DNAH7: variants seen among roughly 807,000 people sequenced by gnomAD.
DNAH7 encodes the protein dynein axonemal heavy chain 7, also known as axonemal beta dynein heavy chain 7.
Under a neutral mutation model 444.6 loss-of-function variants are expected in DNAH7, and 397 were observed. The ratio of observed to expected loss-of-function variants is 0.89; its 90% CI spans 0.82 to 0.97. DNAH7 has a LOEUF of 0.97. Ranked by LOEUF, DNAH7 falls within the 50% of genes least tolerant of loss-of-function variation. DNAH7 has a pLI of 0.00. For missense variants in DNAH7, 4,902 were observed against 4,800.8 expected (o/e 1.02, Z -0.62); for synonymous variants, 1,636 against 1,624.4 (o/e 1.01, Z -0.17).
chr2:195,769,262 T>TA (rs1694729149), intron 61 of DNAH7, among the ~76,000 whole-genome samples: 1 of 151,816 alleles, frequency 6.6e-6, no homozygotes, highest in Admixed American at 6.6e-5. Context: ...GATGGGGTCT[T>TA]ACTGTTGTCA....
In DNAH7 at chr2:195,824,457, T is replaced by C. The variant is rs1448217174; in HGVS notation, c.9101-12A>G. ...ATTTTCTAGCAACACTGGAGTAAAA[T>C]CAGAAAAGATTTCATGTTATTTTAA... On this transcript the variant is annotated splice_polypyrimidine_tract_variant and intron_variant, in intron 48 of 64. Coordinates refer to ENST00000312428, the MANE Select transcript of DNAH7 (RefSeq NM_018897.3). The C allele has an allele frequency of 6.3e-7, 1 of 1,584,324 alleles. No homozygotes were observed. Among genetic ancestry groups the C allele is most frequent in the Non-Finnish European group, 8.6e-7 (1 of 1,167,716 alleles).
In DNAH7 at chr2:195,864,215, A is replaced by G. The variant is rs1262213034; in HGVS notation, c.7440T>C (p.Asp2480=). 3.1e-6 allele frequency: 5 copies of G among 1,614,198 alleles called. No individual in the cohort carries two copies. The highest frequency in any genetic ancestry group is 4.2e-6 in the Non-Finnish European group (5 of 1,180,014). ...ACTTTCTAAGACGATTCCGAAATGC[A>G]TCTCCAATGGGACTCATGGCAAGGA... ...HVVLAMSPIG[D]AFRNRLRKFP... Residue 2480 remains aspartate, a synonymous_variant, in exon 41 of 65, where the codon GAT becomes GAC. Transcript: ENST00000312428.
At chr2:195,992,564 T>C (rs968539508) in intron 12 of DNAH7, among the ~76,000 whole-genome samples, 2 of 152,212 alleles carry the variant, frequency 1.3e-5, no homozygotes, top group Admixed American at 1.3e-4. Context: ...ATTAAACATG[T>C]ATGAGTTGAG....
At position 195,738,141 on chromosome 2, in the gene DNAH7, C is replaced by T; in HGVS notation, c.11869-14G>A. On this transcript the variant is annotated splice_polypyrimidine_tract_variant and intron_variant, in intron 64 of 64. Transcript: ENST00000312428. ...CTTTAGCCACATCTGGAAGAAAGTA[C>T]ATAACACCTCTTTAAGTCAAGGCTG... 1 of 1,607,204 alleles carries T rather than the reference C, an allele frequency of 6.2e-7. No individual in the cohort carries two copies. Among genetic ancestry groups the T allele is most frequent in the Non-Finnish European group, 8.5e-7 (1 of 1,174,144 alleles).
intron 24 of DNAH7, among the ~76,000 whole-genome samples, chr2:195,916,219 C>T (rs527665256): frequency 1.3e-5 from 2 of 152,236 alleles, no homozygotes; most frequent in South Asian, 2.1e-4. Context: ...CTAGGTGATG[C>T]TGGGTTTGAT....
intron 12 of DNAH7, chr2:195,995,664 G>A (rs1222019372): frequency 3.7e-5 from 8 of 217,128 alleles, no homozygotes; most frequent in Non-Finnish European, 7.4e-5. Context: ...CACCAGTGGG[G>A]GACTAGGGAG....
At chr2:195,988,956 C>T (rs984489779) in intron 12 of DNAH7, among the ~76,000 whole-genome samples, 1 of 152,138 alleles carries the variant, frequency 6.6e-6, no homozygotes, top group Non-Finnish European at 1.5e-5. Flanking sequence ...TTCTGTGTGG[C>T]TTATTTCACT....
chr2:195,788,265 TC>T (rs1454563171), intron 57 of DNAH7, among the ~76,000 whole-genome samples: 1 of 152,112 alleles, frequency 6.6e-6, no homozygotes, highest in Non-Finnish European at 1.5e-5. Flanking sequence ...TCAGCAGCTA[TC>T]AAGTGCAGGA....
At position 195,888,385 on chromosome 2, in the gene DNAH7, C is replaced by T; in HGVS notation, c.5279G>A (p.Arg1760Lys). 1 of 1,604,398 alleles carries T rather than the reference C, an allele frequency of 6.2e-7. No individual in the cohort carries two copies. Among genetic ancestry groups the T allele is most frequent in the Non-Finnish European group, 8.5e-7 (1 of 1,177,382 alleles). The change falls in exon 33 of 65, where the codon AGA becomes AAA. Residue 1760 changes from arginine to lysine, a missense_variant. Coordinates refer to ENST00000312428, the MANE Select transcript of DNAH7 (RefSeq NM_018897.3). Reference sequence around the variant, plus strand: ...ATTCACCCAGGACAACATCAGTGGTCTCCAGCCTAACATGTGAGGCTCCAT... The same window carrying T: ...ATTCACCCAGGACAACATCAGTGGTTTCCAGCCTAACATGTGAGGCTCCAT... ...IYMEPHMLGW[R>K]PLMLSWVNLL...
At chr2:195,885,686 A>G (rs1701664211) in intron 34 of DNAH7, among the ~76,000 whole-genome samples, 1 of 152,090 alleles carries the variant, frequency 6.6e-6, no homozygotes, top group Non-Finnish European at 1.5e-5. Context: ...TTACCTACAT[A>G]TTTTCTTGCT....
At chr2:196,043,280 T>C (rs766844340) in intron 5 of DNAH7, among the ~76,000 whole-genome samples, 4 of 151,960 alleles carry the variant, frequency 2.6e-5, no homozygotes, top group Non-Finnish European at 5.9e-5. Flanking sequence ...AAATAAAATG[T>C]TCCCCCCAAA....
chr2:195,867,966 T>C (rs934306154), intron 40 of DNAH7, among the ~76,000 whole-genome samples: 3 of 152,160 alleles, frequency 2.0e-5, no homozygotes, highest in African/African-American at 7.2e-5. Context: ...CTAGGTCATA[T>C]GGTAACCCTA....
Position 195,853,483 on chromosome 2 carries a change from C to CA in DNAH7, c.8640dup (p.Gly2881TrpfsTer6), listed in dbSNP as rs766722939. On this transcript the variant is annotated frameshift_variant, in exon 46 of 65. Transcript: ENST00000312428. LOFTEE classifies it high-confidence loss of function. ...CGAGTTTTCTCACCTCCAAGGCCTC[C>CA]AATCAACTGTTCAGCTCGTTCTAGT... 2.4e-5 allele frequency: 39 copies of CA among 1,613,840 alleles called. No individual in the cohort carries two copies. Among genetic ancestry groups the CA allele is most frequent in the Non-Finnish European group, 3.1e-5 (37 of 1,179,934 alleles).
In DNAH7 at chr2:195,775,157, T is replaced by G. The variant is rs570722321; in HGVS notation, c.11202+689A>C. Reference sequence around the variant, plus strand: ...TCTATCTCTTAATAGACAAGCAAGATTAGCAGATGTTCTTCATTAAAATGT... The same window carrying G: ...TCTATCTCTTAATAGACAAGCAAGAGTAGCAGATGTTCTTCATTAAAATGT... On this transcript the variant is annotated intron_variant, in intron 60 of 64. Coordinates refer to ENST00000312428, the MANE Select transcript of DNAH7 (RefSeq NM_018897.3). Among the ~76,000 whole-genome samples the G allele has an allele frequency of 4.6e-5, 7 of 152,340 alleles. No homozygotes were observed. In the South Asian group the frequency reaches 1.5e-3, roughly 32 times the overall value.
At chr2:196,046,471 C>T (rs1256597550) in intron 5 of DNAH7, among the ~76,000 whole-genome samples, 1 of 152,130 alleles carries the variant, frequency 6.6e-6, no homozygotes, top group Non-Finnish European at 1.5e-5. Flanking sequence ...CAGAGGTCTA[C>T]CCTCCATTGA....
intron 25 of DNAH7, among the ~76,000 whole-genome samples, chr2:195,908,560 T>C (rs893164710): frequency 2.0e-5 from 3 of 152,140 alleles, no homozygotes; most frequent in African/African-American, 7.2e-5. Flanking sequence ...TTGTTTCATT[T>C]AAGATAATGA....
At chr2:196,035,517 T>C (rs1003467229) in intron 5 of DNAH7, among the ~76,000 whole-genome samples, 2 of 152,020 alleles carry the variant, frequency 1.3e-5, no homozygotes, top group Non-Finnish European at 2.9e-5. Flanking sequence ...TCAAGGATGA[T>C]TGTATGAAGT....
chr2:195,795,791 T>G (rs1033310017), intron 56 of DNAH7: 2 of 152,176 alleles, frequency 1.3e-5, no homozygotes, highest in Admixed American at 6.6e-5. Context: ...AAAGACAAAG[T>G]CACTGTCTTC....
At chr2:195,756,008 A>T in intron 62 of DNAH7, 125 bp downstream of exon 62, 1 of 896,120 alleles carries the variant, frequency 1.1e-6, no homozygotes, top group Non-Finnish European at 1.6e-6. Context: ...AATATTAAGT[A>T]GTGGTGATTT....
Sources: gnomAD v4.1 joint callset for allele counts (sites outside exome capture counted in the v4.1 genomes callset) on GRCh38, gnomAD v4.1.1 for gene constraint, MANE v1.5 for transcripts, NCBI Gene and HGNC (gene_info 2026-07-23, HGNC 2026-07-21) for gene names.